PHACTR4: variants seen among roughly 807,000 people sequenced by gnomAD.
PHACTR4 encodes the protein phosphatase and actin regulator 4.
In PHACTR4, 51 loss-of-function variants were observed where a neutral mutation model predicts 72.7. The ratio of observed to expected loss-of-function variants is 0.70; its 90% CI spans 0.56 to 0.89. The LOEUF is 0.89. PHACTR4 is among the 40% of genes least tolerant of loss of function. PHACTR4 has a pLI of 0.00. For missense variants in PHACTR4, 731 were observed against 861.8 expected (o/e 0.85, Z 1.90); for synonymous variants, 255 against 302.5 (o/e 0.84, Z 1.63).
intron 1 of PHACTR4, among the ~76,000 whole-genome samples, chr1:28,386,157 G>A (rs376750702): frequency 3.3e-5 from 5 of 152,040 alleles, no homozygotes; most frequent in African/African-American, 4.8e-5. Flanking sequence ...GCAGTGGTGC[G>A]ATCTCGGCTC....
intron 2 of PHACTR4, among the ~76,000 whole-genome samples, chr1:28,410,626 A>C (rs2124297846): frequency 6.6e-6 from 1 of 152,310 alleles, no homozygotes; most frequent in African/African-American, 2.4e-5. Context: ...TTGAGGCATA[A>C]AGTGAAATGT....
intron 2 of PHACTR4, among the ~76,000 whole-genome samples, chr1:28,447,508 G>T (rs1369422503): frequency 2.0e-5 from 3 of 151,180 alleles, no homozygotes; most frequent in Non-Finnish European, 4.4e-5. Context: ...TCCTGCCTCA[G>T]CCTCCCAAGT....
chr1:28,437,806 A>G (rs1437244839), intron 2 of PHACTR4, among the ~76,000 whole-genome samples: 1 of 152,232 alleles, frequency 6.6e-6, no homozygotes, highest in African/African-American at 2.4e-5. Flanking sequence ...TATAAATTGT[A>G]AGGGGACACA....
intron 4 of PHACTR4, among the ~76,000 whole-genome samples, chr1:28,465,458 T>C (rs1258634259): frequency 1.3e-5 from 2 of 152,070 alleles, no homozygotes; most frequent in African/African-American, 4.8e-5. Flanking sequence ...CTGTCTCAAA[T>C]CACCAACTCT....
intron 2 of PHACTR4, among the ~76,000 whole-genome samples, chr1:28,432,373 T>C (rs530256646): frequency 2.4e-4 from 35 of 145,190 alleles, no homozygotes; most frequent in South Asian, 6.4e-4. Flanking sequence ...CTCTCTCTCT[T>C]TTTTTTTTTT....
At chr1:28,414,352 C>T (rs1654968199) in intron 2 of PHACTR4, among the ~76,000 whole-genome samples, 1 of 150,916 alleles carries the variant, frequency 6.6e-6, no homozygotes, top group Admixed American at 6.6e-5. Flanking sequence ...AGGCATGAGC[C>T]TCTGCAGCTG....
chr1:28,433,609 C>T (rs1000245357), intron 2 of PHACTR4, among the ~76,000 whole-genome samples: 2 of 151,060 alleles, frequency 1.3e-5, no homozygotes, highest in East Asian at 1.9e-4. Flanking sequence ...AGGTGCCAGC[C>T]ACCACACCCG....
chr1:28,470,050 C>T (rs1469769176), intron 6 of PHACTR4, among the ~76,000 whole-genome samples: 1 of 142,570 alleles, frequency 7.0e-6, no homozygotes, highest in African/African-American at 2.6e-5. Flanking sequence ...CAGAGCGAGA[C>T]TCTGTCTCAA....
At position 28,490,982 on chromosome 1, in the gene PHACTR4, A is replaced by G. The variant is rs774259931; in HGVS notation, c.1848A>G (p.Lys616=). 5.0e-6 allele frequency: 8 copies of G among 1,614,004 alleles called. No individual in the cohort carries two copies. The East Asian group carries it at 1.3e-4, about 27-fold the overall frequency. ...ATGAAGCTGATCGTCAGGCAGAAAAACGAGAAATTAAACGTCGGCTCACTA... is the reference window on the plus strand; with the variant it reads ...ATGAAGCTGATCGTCAGGCAGAAAAGCGAGAAATTAAACGTCGGCTCACTA... ...PKNEADRQAE[K]REIKRRLTRK... The change falls in exon 11 of 14, where the codon AAA becomes AAG. Residue 616 remains lysine (K), a synonymous_variant. Coordinates refer to ENST00000373839, the MANE Select transcript of PHACTR4 (RefSeq NM_001048183.3).
intron 1 of PHACTR4, among the ~76,000 whole-genome samples, chr1:28,406,227 TTCTAGTTTATCATATGG>T (rs1654315853): frequency 2.0e-5 from 3 of 152,218 alleles, no homozygotes; most frequent in Admixed American, 6.5e-5. Context: ...TCATGTATTA[TTCTAGTTTATCATATGG>T]TCATGTTCTT....
At chr1:28,491,042 T>C in intron 11 of PHACTR4, 30 bp downstream of exon 11, 1 of 1,590,800 alleles carries the variant, frequency 6.3e-7, no homozygotes, top group Non-Finnish European at 8.6e-7. Flanking sequence ...CAGTTAACTA[T>C]ATGTGTTATA....
intron 1 of PHACTR4, among the ~76,000 whole-genome samples, chr1:28,393,200 A>G (rs530247812): frequency 2.1e-4 from 32 of 152,352 alleles, no homozygotes; most frequent in African/African-American, 6.5e-4. Context: ...GGTGATACCA[A>G]TAAGATTGGG....
intron 2 of PHACTR4, chr1:28,438,252 C>G (rs1656759976): frequency 6.9e-7 from 1 of 1,440,258 alleles, no homozygotes; most frequent in African/African-American, 1.4e-5. Flanking sequence ...TGACCTTATG[C>G]CATTTCCTGA....
At chr1:28,455,708 A>G (rs1306839546) in intron 2 of PHACTR4, among the ~76,000 whole-genome samples, 1 of 152,164 alleles carries the variant, frequency 6.6e-6, no homozygotes, top group Admixed American at 6.6e-5. Context: ...TGAAAAGGCA[A>G]TTGGGCTGAT....
intron 1 of PHACTR4, among the ~76,000 whole-genome samples, chr1:28,389,410 G>A (rs1276698935): frequency 1.3e-5 from 2 of 151,442 alleles, no homozygotes; most frequent in Non-Finnish European, 2.9e-5. Flanking sequence ...AATAACAAGT[G>A]TTGGCAAGGA....
chr1:28,381,924 C>T (rs758619147), intron 1 of PHACTR4, among the ~76,000 whole-genome samples: 89 of 152,108 alleles, frequency 5.9e-4, no homozygotes, highest in Admixed American at 1.3e-3. Flanking sequence ...TACACCACCA[C>T]GCCAGGCTAA....
chr1:28,378,586 T>A (rs1225799696), intron 1 of PHACTR4, among the ~76,000 whole-genome samples: 1 of 144,064 alleles, frequency 6.9e-6, no homozygotes, highest in Non-Finnish European at 1.5e-5. Context: ...CCCCCTTTTT[T>A]TTTAACAACC....
At chr1:28,369,940 A>G (rs985883600) in intron 1 of PHACTR4, 115 bp downstream of exon 1, 1 of 359,718 alleles carries the variant, frequency 2.8e-6, no homozygotes, top group South Asian at 2.0e-5. Flanking sequence ...TCCGGGCAGA[A>G]GGTAACGGCC....
chr1:28,459,236 T>G lies in PHACTR4; in HGVS notation c.168T>G (p.Asp56Glu), dbSNP rs779370723. 1.2e-6 allele frequency: 2 copies of G among 1,613,616 alleles called. No individual in the cohort carries two copies. Among genetic ancestry groups the G allele is most frequent in the Non-Finnish European group, 1.7e-6 (2 of 1,179,838 alleles). ...PWKWRKKKSS[D>E]KFKETSEVLE... ...AATGGAGGAAAAAAAAAAGTAGTGA[T>G]AAATTTAAAGAGACTTCAGAAGGTG... Residue 56 changes from aspartate (D) to glutamate (E), a missense_variant, in exon 3 of 14, where the codon GAT (aspartate) becomes GAG (glutamate). Physicochemically the swap from Asp to Glu is conservative, Grantham distance 45. Transcript: ENST00000373839.
Sources: gnomAD v4.1 joint callset for allele counts (sites outside exome capture counted in the v4.1 genomes callset) on GRCh38, gnomAD v4.1.1 for gene constraint, MANE v1.5 for transcripts, NCBI Gene and HGNC (gene_info 2026-07-23, HGNC 2026-07-21) for gene names.